The following CBLN2 variants were observed in gnomAD, a reference collection of about 807,000 sequenced individuals.
CBLN2 encodes the protein cerebellin-2.
In CBLN2, 7 loss-of-function variants were observed where a neutral mutation model predicts 15.0. The observed-to-expected ratio is 0.47, with a 90% CI of 0.27 to 0.88. The LOEUF (loss-of-function observed/expected upper bound fraction) is 0.88. CBLN2 is among the 40% of genes least tolerant of loss of function. The pLI is 0.14. For missense variants in CBLN2, 242 were observed against 304.5 expected, an observed-to-expected ratio of 0.79 and a Z score of 1.53; for synonymous variants, 149 against 135.2, an observed-to-expected ratio of 1.10 and a Z score of -0.71.
At chr18:72,577,596 C>G (rs12954231) in intron 1 of CBLN2, among the ~76,000 whole-genome samples, 86,946 of 152,098 alleles carry the variant, frequency 0.57, 29,532 homozygotes, top group East Asian at 0.8. Context: ...TTAACACTTG[C>G]GTATTAACTA....
chr18:72,578,997 T>C (rs191457436), intron 1 of CBLN2, among the ~76,000 whole-genome samples: 1 of 152,312 alleles, frequency 6.6e-6, no homozygotes, highest in East Asian at 1.9e-4. Flanking sequence ...GATGGAGCTG[T>C]CCTACTGTCA....
At chr18:72,568,971 A>T (rs1358154404) in intron 1 of CBLN2, among the ~76,000 whole-genome samples, 1 of 152,220 alleles carries the variant, frequency 6.6e-6, no homozygotes, top group East Asian at 1.9e-4. Flanking sequence ...TTCAGCTTAA[A>T]AGTCAATCCT....
intron 1 of CBLN2, among the ~76,000 whole-genome samples, chr18:72,580,731 G>A (rs529316562): frequency 1.3e-5 from 2 of 152,164 alleles, no homozygotes; most frequent in East Asian, 1.9e-4. Flanking sequence ...ATTTATTCAT[G>A]CTTCTGCTGA....
intron 1 of CBLN2, among the ~76,000 whole-genome samples, chr18:72,626,410 C>T (rs1212495426): frequency 6.6e-6 from 1 of 152,012 alleles, no homozygotes; most frequent in Admixed American, 6.6e-5. Flanking sequence ...ATACACTCAC[C>T]TGAAAAATAG....
In CBLN2 at chr18:72,571,152, A is replaced by T. The variant is rs1403033969; in HGVS notation, c.16-32380T>A. 3.3e-5 allele frequency among the ~76,000 whole-genome samples: 5 copies of T among 152,312 alleles called. No individual in the cohort carries two copies. The East Asian group carries it at 7.7e-4, about 23-fold the overall frequency. ...CACTTCTAATTTCTTAAAATAAGAGAAAGTGAAGCATAATTTCAAGGATGT... is the reference window on the plus strand; with the variant it reads ...CACTTCTAATTTCTTAAAATAAGAGTAAGTGAAGCATAATTTCAAGGATGT... On this transcript the variant is annotated intron_variant, in intron 1 of 2. Transcript: ENST00000581073.
At chr18:72,567,442 A>G (rs1431175474) in intron 1 of CBLN2, among the ~76,000 whole-genome samples, 1 of 152,070 alleles carries the variant, frequency 6.6e-6, no homozygotes, top group Non-Finnish European at 1.5e-5. Flanking sequence ...CAGAATTATT[A>G]TTTCTGTTAT....
chr18:72,606,376 T>C (rs2069583703), intron 1 of CBLN2, among the ~76,000 whole-genome samples: 1 of 152,204 alleles, frequency 6.6e-6, no homozygotes, highest in Admixed American at 6.5e-5. Flanking sequence ...CGTTTTCCTG[T>C]ATAAGAATCT....
chr18:72,602,176 T>G (rs952053861), intron 1 of CBLN2, among the ~76,000 whole-genome samples: 1 of 152,162 alleles, frequency 6.6e-6, no homozygotes, highest in African/African-American at 2.4e-5. Context: ...CTTTTAGATG[T>G]TGGTTCGATT....
At chr18:72,609,836 T>A (rs1169802985) in intron 1 of CBLN2, among the ~76,000 whole-genome samples, 2 of 152,202 alleles carry the variant, frequency 1.3e-5, no homozygotes, top group African/African-American at 2.4e-5. Context: ...CACTAGCTGG[T>A]GTACAAAGCT....
chr18:72,582,777 C>G (rs1280310219), intron 1 of CBLN2, among the ~76,000 whole-genome samples: 1 of 152,176 alleles, frequency 6.6e-6, no homozygotes, highest in Non-Finnish European at 1.5e-5. Context: ...GTGGATCATG[C>G]TCAGATTAAA....
chr18:72,622,338 C>T (rs1394570966), intron 1 of CBLN2, among the ~76,000 whole-genome samples: 2 of 151,866 alleles, frequency 1.3e-5, no homozygotes, highest in Non-Finnish European at 2.9e-5. Context: ...GAATGATGCT[C>T]ATTTAATCAG....
At chr18:72,579,470 C>T (rs554803937) in intron 1 of CBLN2, among the ~76,000 whole-genome samples, 37 of 152,220 alleles carry the variant, frequency 2.4e-4, no homozygotes, top group African/African-American at 6.7e-4. Flanking sequence ...AGTAATACCA[C>T]GCCTGTAATC....
chr18:72,596,450 C>T (rs1034682896), intron 1 of CBLN2, among the ~76,000 whole-genome samples: 1 of 152,080 alleles, frequency 6.6e-6, no homozygotes, highest in Non-Finnish European at 1.5e-5. Context: ...ATATGAGTAG[C>T]TTACCCACCA....
chr18:72,595,442 A>G (rs1336793866), intron 1 of CBLN2, among the ~76,000 whole-genome samples: 1 of 152,148 alleles, frequency 6.6e-6, no homozygotes, highest in Non-Finnish European at 1.5e-5. Context: ...GGTCTAATGT[A>G]TAGTTTATCC....
chr18:72,616,169 G>GA (rs1272795225), intron 1 of CBLN2, among the ~76,000 whole-genome samples: 2 of 152,090 alleles, frequency 1.3e-5, no homozygotes, highest in Non-Finnish European at 2.9e-5. Flanking sequence ...TTGCATTCCA[G>GA]AAAGTGGCTT....
chr18:72,627,878 C>T (rs1039478461), intron 1 of CBLN2, among the ~76,000 whole-genome samples: 1 of 152,128 alleles, frequency 6.6e-6, no homozygotes, highest in Non-Finnish European at 1.5e-5. Flanking sequence ...CTATTTTATG[C>T]AGTAATTTAA....
upstream of CBLN2, among the ~76,000 whole-genome samples, chr18:72,548,821 A>G (rs140641987): frequency 6.6e-6 from 1 of 152,070 alleles, no homozygotes; most frequent in Non-Finnish European, 1.5e-5. Flanking sequence ...CCATAAATGC[A>G]CCCAGGCTGC....
chr18:72,550,785 T>G (rs2069187107), intron 1 of CBLN2, among the ~76,000 whole-genome samples: 1 of 152,172 alleles, frequency 6.6e-6, no homozygotes, highest in South Asian at 2.1e-4. Context: ...AATTAAGTTT[T>G]GCTTTAATTC....
chr18:72,616,310 T>A (rs2069661760), intron 1 of CBLN2, among the ~76,000 whole-genome samples: 1 of 152,222 alleles, frequency 6.6e-6, no homozygotes, highest in African/African-American at 2.4e-5. Flanking sequence ...AATGAATATG[T>A]TCCTACTACC....
Sources: allele counts gnomAD v4.1 joint callset (sites outside exome capture counted in the v4.1 genomes callset), GRCh38; gene constraint gnomAD v4.1.1; transcripts MANE v1.5; gene names NCBI Gene and HGNC (gene_info 2026-07-23, HGNC 2026-07-21).